MLLT3: variants seen among roughly 807,000 people sequenced by gnomAD.
MLLT3 encodes protein AF-9.
A neutral mutation model predicts 53.2 loss-of-function variants in MLLT3; 4 were observed. The observed-to-expected ratio is 0.08, with a 90% CI of 0.04 to 0.17. MLLT3 has a LOEUF of 0.17. Among genes scored for constraint, MLLT3 ranks in the 10% least tolerant of loss-of-function variants. The pLI, the probability that MLLT3 is intolerant of heterozygous loss-of-function variation, is 1.00. For synonymous variants in MLLT3, 283 were observed against 230.6 expected (o/e 1.23, Z -2.06); for missense variants, 569 against 684.0 (o/e 0.83, Z 1.87).
intron 5 of MLLT3, among the ~76,000 whole-genome samples, chr9:20,408,786 C>T (rs887618627): frequency 6.6e-6 from 1 of 152,128 alleles, no homozygotes; most frequent in Non-Finnish European, 1.5e-5. Flanking sequence ...AACAGCAGGA[C>T]GTTTACTACC....
intron 2 of MLLT3, among the ~76,000 whole-genome samples, chr9:20,560,072 T>C (rs1819162593): frequency 6.6e-6 from 1 of 152,174 alleles, no homozygotes; most frequent in Non-Finnish European, 1.5e-5. Flanking sequence ...GTCTCAGGTG[T>C]TGTTTTCTGT....
intron 2 of MLLT3, among the ~76,000 whole-genome samples, chr9:20,571,443 T>C (rs1312279873): frequency 6.6e-6 from 1 of 152,240 alleles, no homozygotes; most frequent in Admixed American, 6.5e-5. Context: ...CCTGATTTTA[T>C]GTATTTTTTT....
intron 5 of MLLT3, among the ~76,000 whole-genome samples, chr9:20,372,554 A>ATTTTTTTTTTTTTTTTTT (rs34889625): frequency 1.2e-5 from 1 of 82,224 alleles, no homozygotes; most frequent in Non-Finnish European, 2.2e-5. Flanking sequence ...CGCCCGGCTA[A>ATTTTTTTTTTTTTTTTTT]TTTTTTTTTT....
intron 2 of MLLT3, among the ~76,000 whole-genome samples, chr9:20,492,042 A>G (rs1360219720): frequency 6.6e-6 from 1 of 152,114 alleles, no homozygotes; most frequent in African/African-American, 2.4e-5. Flanking sequence ...GTAATAAAAC[A>G]TTTATTAACC....
At chr9:20,429,934 A>C (rs976090044) in intron 4 of MLLT3, among the ~76,000 whole-genome samples, 1 of 152,154 alleles carries the variant, frequency 6.6e-6, no homozygotes, top group Admixed American at 6.6e-5. Flanking sequence ...TGGGGGGAAA[A>C]GGATAGGAAA....
chr9:20,361,150 G>A (rs1481037328), intron 7 of MLLT3, among the ~76,000 whole-genome samples: 1 of 152,166 alleles, frequency 6.6e-6, no homozygotes, highest in African/African-American at 2.4e-5. Flanking sequence ...CAAGCAAGTG[G>A]CCCAAAGCTA....
chr9:20,509,005 T>A (rs1825452769), intron 2 of MLLT3, among the ~76,000 whole-genome samples: 1 of 152,204 alleles, frequency 6.6e-6, no homozygotes, highest in South Asian at 2.1e-4. Context: ...GAATTACAGG[T>A]CAATGTACAT....
At chr9:20,478,281 T>C (rs757765604) in intron 2 of MLLT3, among the ~76,000 whole-genome samples, 65 of 152,162 alleles carry the variant, frequency 4.3e-4, no homozygotes, top group Non-Finnish European at 7.6e-4. Flanking sequence ...AAGGCCTTTA[T>C]AAACATTTCT....
intron 2 of MLLT3, among the ~76,000 whole-genome samples, chr9:20,592,186 A>G (rs1484958154): frequency 6.6e-6 from 1 of 152,198 alleles, no homozygotes; most frequent in African/African-American, 2.4e-5. Flanking sequence ...CTCACAATCC[A>G]TCCTTACTTA....
rs1038938258 is a variant in MLLT3, at chr9:20,573,240, C to T, written c.193+47414G>A. Among the ~76,000 whole-genome samples, 4 of 147,266 alleles carry T rather than the reference C, an allele frequency of 2.7e-5. No individual in the cohort carries two copies. The South Asian group carries it at 6.4e-4, about 24-fold the overall frequency. On this transcript the variant is annotated intron_variant, in intron 2 of 10. Transcript: ENST00000380338. ...TGGTCACCCAGGCTGAGTGTAGTGG[C>T]GAAATTACTGCTCACTGCAACCTCA...
intron 2 of MLLT3, among the ~76,000 whole-genome samples, chr9:20,617,308 C>A (rs1005205969): frequency 3.3e-5 from 5 of 152,134 alleles, no homozygotes; most frequent in African/African-American, 1.2e-4. Flanking sequence ...CAAAACTATG[C>A]AGTAAAGCTG....
chr9:20,417,236 T>C (rs1822894050), intron 4 of MLLT3, among the ~76,000 whole-genome samples: 1 of 147,212 alleles, frequency 6.8e-6, no homozygotes, highest in South Asian at 2.1e-4. Context: ...CCAGTCTCCA[T>C]GTTTGTACAT....
At chr9:20,552,331 T>C (rs139496507) in intron 2 of MLLT3, among the ~76,000 whole-genome samples, 1 of 152,286 alleles carries the variant, frequency 6.6e-6, no homozygotes, top group Non-Finnish European at 1.5e-5. Flanking sequence ...AGATACAAGG[T>C]AGAGTTCAGG....
chr9:20,409,001 CAAG>C (rs1223163479), intron 5 of MLLT3, among the ~76,000 whole-genome samples: 1 of 152,084 alleles, frequency 6.6e-6, no homozygotes, highest in African/African-American at 2.4e-5. Flanking sequence ...TTTTCTCCTT[CAAG>C]AAGGTTTTCT....
chr9:20,350,241 T>C (rs1425994113), intron 10 of MLLT3, among the ~76,000 whole-genome samples: 2 of 152,210 alleles, frequency 1.3e-5, no homozygotes, highest in African/African-American at 2.4e-5. Flanking sequence ...CTCTGCATCA[T>C]AGTGCAATAA....
intron 2 of MLLT3, among the ~76,000 whole-genome samples, chr9:20,518,447 G>T (rs7848801): frequency 0.48 from 72,968 of 152,008 alleles, 17,856 homozygotes; most frequent in East Asian, 0.63. Flanking sequence ...AAAACACCAT[G>T]AGAACATTAC....
intron 2 of MLLT3, among the ~76,000 whole-genome samples, chr9:20,572,885 T>C (rs1819567387): frequency 1.3e-5 from 2 of 152,226 alleles, no homozygotes; most frequent in Non-Finnish European, 2.9e-5. Context: ...ACTACCTTTT[T>C]ATTAGTTGAA....
intron 2 of MLLT3, among the ~76,000 whole-genome samples, chr9:20,580,654 T>C (rs1408836595): frequency 1.3e-5 from 2 of 152,212 alleles, no homozygotes; most frequent in East Asian, 1.9e-4. Flanking sequence ...TGAAATATAA[T>C]ATAGTTTTCC....
intron 7 of MLLT3, among the ~76,000 whole-genome samples, chr9:20,361,266 C>T (rs905966634): frequency 6.6e-6 from 1 of 152,224 alleles, no homozygotes; most frequent in South Asian, 2.1e-4. Context: ...TACAGAAGGT[C>T]AGCAAAATTA....
Sources: allele counts gnomAD v4.1 joint callset (sites outside exome capture counted in the v4.1 genomes callset), GRCh38; gene constraint gnomAD v4.1.1; transcripts MANE v1.5; gene names NCBI Gene and HGNC (gene_info 2026-07-23, HGNC 2026-07-21).